PHLPP2: variants seen among roughly 807,000 people sequenced by gnomAD.
The protein encoded by PHLPP2 is PH domain and leucine rich repeat protein phosphatase 2.
PHLPP2 carries 66 observed loss-of-function variants against 124.9 expected under a neutral mutation model. The observed-to-expected ratio is 0.53, with a 90% CI of 0.43 to 0.65. The LOEUF (loss-of-function observed/expected upper bound fraction) is 0.65. Among genes scored for constraint, PHLPP2 ranks in the 30% least tolerant of loss-of-function variants. The pLI is 0.00. For missense variants in PHLPP2, 1,685 were observed against 1,600.4 expected (o/e 1.05, Z -0.90); for synonymous variants, 681 against 624.7 (o/e 1.09, Z -1.34).
At chr16:71,721,475 G>A (rs2045398234) in intron 1 of PHLPP2, among the ~76,000 whole-genome samples, 1 of 152,156 alleles carries the variant, frequency 6.6e-6, no homozygotes, top group Non-Finnish European at 1.5e-5. Flanking sequence ...AGCCAGGCAT[G>A]TGCCTATAGT....
chr16:71,671,780 G>A (rs1159956610), intron 10 of PHLPP2, among the ~76,000 whole-genome samples: 1 of 151,908 alleles, frequency 6.6e-6, no homozygotes, highest in Non-Finnish European at 1.5e-5. Flanking sequence ...CAGGCGTGGT[G>A]GTGGGCGCCT....
intron 2 of PHLPP2, among the ~76,000 whole-genome samples, chr16:71,714,113 T>C (rs1440733372): frequency 1.3e-5 from 2 of 151,978 alleles, no homozygotes; most frequent in Non-Finnish European, 2.9e-5. Flanking sequence ...CTAATTTTTA[T>C]ATTTTTAGTA....
intron 17 of PHLPP2, 128 bp downstream of exon 17, chr16:71,655,112 T>C (rs1481488109): frequency 1.0e-5 from 7 of 680,246 alleles, no homozygotes; most frequent in African/African-American, 7.1e-5. Context: ...AGAATGATCA[T>C]AGAAGACAAC....
intron 3 of PHLPP2, among the ~76,000 whole-genome samples, chr16:71,696,208 A>G (rs1597010294): frequency 1.3e-5 from 2 of 152,310 alleles, no homozygotes; most frequent in Middle Eastern, 6.8e-3. Flanking sequence ...TTAACATGAG[A>G]TAGTATTTTT....
intron 2 of PHLPP2, among the ~76,000 whole-genome samples, chr16:71,708,249 T>A (rs1033835603): frequency 6.6e-6 from 1 of 152,178 alleles, no homozygotes; most frequent in African/African-American, 2.4e-5. Context: ...CACATCCAGA[T>A]GGCCTGAGGC....
chr16:71,655,498 G>T, intron 16 of PHLPP2, 64 bp from the exon 17 acceptor site: 3 of 1,169,870 alleles, frequency 2.6e-6, no homozygotes, highest in South Asian at 1.5e-5. Flanking sequence ...TCTCCAGGGA[G>T]CATTCTTTTT....
At position 71,670,439 on chromosome 16, in the gene PHLPP2, G is replaced by A. The variant is rs1271915623; in HGVS notation, c.1533-1069C>T. ...GCTAGCCAAGGAAAAAGCATGTTTG[G>A]AGAAAAGAGAGCAAAATTAACTGTG... On this transcript the variant is annotated intron_variant, in intron 10 of 18. Transcript: ENST00000568954. Among the ~76,000 whole-genome samples, 3 of 152,144 alleles carry A rather than the reference G, an allele frequency of 2.0e-5. No homozygotes were observed. The East Asian group carries it at 5.8e-4, about 29-fold the overall frequency.
chr16:71,723,955 CCCCGCGG>C (rs1002436867), intron 1 of PHLPP2: 41 of 349,944 alleles, frequency 1.2e-4, no homozygotes, highest in African/African-American at 7.3e-4. Context: ...TGGCCCCGCC[CCCCGCGG>C]CCCGCCGGCT....
Position 71,658,649 on chromosome 16 carries a change from G to C in PHLPP2, c.2148+4C>G. ...AAGGACATCATTCCAGCACACAGAA[G>C]TACCTGGATCTGAGGCAACTGCAGT... On this transcript the variant is annotated splice_donor_region_variant and intron_variant, in intron 14 of 18. Transcript: ENST00000568954. 1 of 1,613,190 alleles carries C rather than the reference G, an allele frequency of 6.2e-7. No individual in the cohort carries two copies.
chr16:71,657,095 G>C (rs559894875), intron 15 of PHLPP2, among the ~76,000 whole-genome samples: 1 of 151,830 alleles, frequency 6.6e-6, no homozygotes. Context: ...GGCACCTGCC[G>C]TAACAACCAG....
At chr16:71,721,592 C>T (rs1358133823) in intron 1 of PHLPP2, among the ~76,000 whole-genome samples, 1 of 151,814 alleles carries the variant, frequency 6.6e-6, no homozygotes, top group Non-Finnish European at 1.5e-5. Flanking sequence ...GAAGCTATGT[C>T]TCTAAAAAAA....
intron 2 of PHLPP2, among the ~76,000 whole-genome samples, chr16:71,703,687 G>A (rs1433313933): frequency 6.6e-6 from 1 of 152,116 alleles, no homozygotes; most frequent in East Asian, 1.9e-4. Context: ...CTTACCAACT[G>A]CATGCCCCAG....
intron 6 of PHLPP2, among the ~76,000 whole-genome samples, chr16:71,680,292 T>G (rs2044985303): frequency 6.6e-6 from 1 of 152,234 alleles, no homozygotes; most frequent in Admixed American, 6.5e-5. Context: ...TATAAGCAAC[T>G]TCTACTTTCA....
At chr16:71,654,203 A>G (rs1162289342) in intron 17 of PHLPP2, among the ~76,000 whole-genome samples, 1 of 131,030 alleles carries the variant, frequency 7.6e-6, no homozygotes, top group African/African-American at 2.7e-5. Context: ...GTCTCAAAAA[A>G]GAAAAAAAAA....
intron 1 of PHLPP2, among the ~76,000 whole-genome samples, chr16:71,717,703 A>G (rs1017209351): frequency 3.3e-5 from 5 of 152,236 alleles, no homozygotes; most frequent in African/African-American, 1.2e-4. Context: ...TAACTGGACC[A>G]TCTGAAAACA....
chr16:71,662,230 G>A lies in PHLPP2; in HGVS notation c.1985+1669C>T, dbSNP rs368449073. On this transcript the variant is annotated intron_variant, in intron 13 of 18. Transcript: ENST00000568954. ...GCGGATCACGAGGCCAGGAGTTCGAGACTAGTCTGGCCAATATGGTGAAAC... is the reference window on the plus strand; with the variant it reads ...GCGGATCACGAGGCCAGGAGTTCGAAACTAGTCTGGCCAATATGGTGAAAC... Among the ~76,000 whole-genome samples the A allele has an allele frequency of 2.0e-3, 306 of 151,558 alleles. 2 individuals carry two copies. The highest frequency in any genetic ancestry group is 7.0e-3 in the African/African-American group (288 of 41,414).
At chr16:71,689,186 G>C (rs6499530) in intron 4 of PHLPP2, among the ~76,000 whole-genome samples, 129,556 of 151,978 alleles carry the variant, frequency 0.85, 55,358 homozygotes, top group East Asian at 0.99. Flanking sequence ...TTCTGTATTT[G>C]TAAGCTCAGC....
chr16:71,651,973 T>G (rs2044699811), intron 18 of PHLPP2, among the ~76,000 whole-genome samples: 1 of 152,190 alleles, frequency 6.6e-6, no homozygotes, highest in African/African-American at 2.4e-5. Flanking sequence ...GACCTTGGGT[T>G]TGGCGATGAG....
chr16:71,649,032 G>C lies in PHLPP2; in HGVS notation c.3830C>G (p.Pro1277Arg), dbSNP rs779793714. 3 of 1,614,124 alleles carry C rather than the reference G, an allele frequency of 1.9e-6. No individual in the cohort carries two copies. Among genetic ancestry groups the C allele is most frequent in the Non-Finnish European group, 2.5e-6 (3 of 1,180,010 alleles). Residue 1277 changes from proline to arginine, a missense_variant, in exon 19 of 19, where the codon CCA becomes CGA. By Grantham distance (103) the Pro-to-Arg change is moderately radical. Transcript: ENST00000568954. ...GYFAAPTQME[P>R]EDQFVVPHDL... ...ATGAGGCACAACAAACTGGTCCTCT[G>C]GTTCCATCTGAGTGGGGGCAGCAAA...
Sources: allele counts gnomAD v4.1 joint callset (sites outside exome capture counted in the v4.1 genomes callset), GRCh38; gene constraint gnomAD v4.1.1; transcripts MANE v1.5; gene names NCBI Gene and HGNC (gene_info 2026-07-23, HGNC 2026-07-21).